GRIK4: variants seen among roughly 807,000 people sequenced by gnomAD.
The protein encoded by GRIK4 is glutamate receptor ionotropic, kainate 4.
In GRIK4, 40 loss-of-function variants were observed where a neutral mutation model predicts 104.9. The observed-to-expected ratio is 0.38, with a 90% CI of 0.30 to 0.50. GRIK4 has a LOEUF of 0.50. Among genes scored for constraint, GRIK4 ranks in the 20% least tolerant of loss-of-function variants. The probability of loss-of-function intolerance (pLI) is 0.93; values close to 1 mark genes in which losing one functional copy is unlikely to be tolerated. For synonymous variants in GRIK4, 485 were observed against 524.9 expected (o/e 0.92, Z 1.04); for missense variants, 1,047 against 1,308.1 (o/e 0.80, Z 3.08).
intron 9 of GRIK4, among the ~76,000 whole-genome samples, chr11:120,865,195 G>T (rs948038932): frequency 1.4e-5 from 2 of 147,288 alleles, no homozygotes; most frequent in Non-Finnish European, 1.5e-5. Flanking sequence ...ATGCATATAC[G>T]ATTCTATCTC....
At chr11:120,764,609 CT>C (rs1376634587) in intron 3 of GRIK4, among the ~76,000 whole-genome samples, 2 of 147,500 alleles carry the variant, frequency 1.4e-5, no homozygotes, top group Non-Finnish European at 3.0e-5. Context: ...TTTTTTTTTC[CT>C]TTTTAGTGCT....
In GRIK4 at chr11:120,836,711, G is replaced by A; in HGVS notation, c.691-80G>A. 3.4e-6 allele frequency: 3 copies of A among 872,838 alleles called. No individual in the cohort carries two copies. In the Admixed American group the frequency reaches 5.1e-5, roughly 15 times the overall value. The allele number at this position is 872,838 out of a possible 1,614,324, so 54.1% of individuals were successfully genotyped here. On this transcript the variant is annotated intron_variant, in intron 7 of 20. Transcript: ENST00000527524. ...GGGGCAGTGGGCCAGACAAATGGTA[G>A]ACACTTGGAACCCCTACTGCTCATT...
At chr11:120,619,472 A>G (rs150497633) in intron 1 of GRIK4, among the ~76,000 whole-genome samples, 59 of 152,324 alleles carry the variant, frequency 3.9e-4, no homozygotes, top group African/African-American at 1.3e-3. Context: ...TATATTTTCC[A>G]ATGTAAGAAG....
intron 11 of GRIK4, among the ~76,000 whole-genome samples, chr11:120,896,328 C>G (rs1461134100): frequency 6.6e-6 from 1 of 152,206 alleles, no homozygotes; most frequent in African/African-American, 2.4e-5. Flanking sequence ...TTGTTTTGGC[C>G]TCAGTTTCCT....
chr11:120,956,818 C>T lies in GRIK4; in HGVS notation c.1739C>T (p.Ala580Val), dbSNP rs1565461779. The T allele has an allele frequency of 6.2e-7, 1 of 1,613,434 alleles. No individual in the cohort carries two copies. Residue 580 changes from alanine (A) to valine (V), a missense_variant, in exon 16 of 21, where the codon GCC (alanine) becomes GTC (valine). Ala to Val is a moderately conservative substitution (Grantham distance 64). Coordinates refer to ENST00000527524, the MANE Select transcript of GRIK4 (RefSeq NM_014619.5). The surrounding 1 kb of genome is among the most constrained non-coding windows in gnomAD (Gnocchi z 4.6). ...PYEWYSPHPC[A>V]QGRCNLLVNQ... ...GAGTGGTACAGCCCACACCCATGTG[C>T]CCAGGGCCGGTGCAACCTCCTGGTG...
chr11:120,579,545 A>T (rs1948538841), intron 1 of GRIK4, among the ~76,000 whole-genome samples: 1 of 152,218 alleles, frequency 6.6e-6, no homozygotes, highest in Non-Finnish European at 1.5e-5. Flanking sequence ...ATCACTTTGG[A>T]GGAGTTTAAG....
chr11:120,769,622 G>A (rs1271989457), intron 3 of GRIK4, among the ~76,000 whole-genome samples: 1 of 152,140 alleles, frequency 6.6e-6, no homozygotes, highest in Non-Finnish European at 1.5e-5. Context: ...ACAAAAAACA[G>A]GTGGCAGGCT....
chr11:120,871,442 G>A (rs1048285208), intron 9 of GRIK4: 3 of 367,140 alleles, frequency 8.2e-6, no homozygotes, highest in African/African-American at 2.1e-5. Context: ...GGGAAGCAGA[G>A]AAGAGAGAGT....
chr11:120,874,484 A>G (rs1954717314), intron 10 of GRIK4, among the ~76,000 whole-genome samples: 1 of 152,152 alleles, frequency 6.6e-6, no homozygotes, highest in Non-Finnish European at 1.5e-5. Context: ...TGGGCCCCTG[A>G]ATTCCAGACT....
chr11:120,954,675 T>G (rs1565460263), intron 15 of GRIK4, among the ~76,000 whole-genome samples: 1 of 150,946 alleles, frequency 6.6e-6, no homozygotes, highest in Non-Finnish European at 1.5e-5. Flanking sequence ...ACGCTGCCCC[T>G]CCTCCCTCCC....
intron 3 of GRIK4, among the ~76,000 whole-genome samples, chr11:120,760,027 G>A (rs1464763363): frequency 1.3e-5 from 2 of 151,852 alleles, no homozygotes; most frequent in Non-Finnish European, 2.9e-5. Flanking sequence ...TTATATTAGA[G>A]ATTTTTGTTA....
intron 13 of GRIK4, among the ~76,000 whole-genome samples, chr11:120,910,902 A>G (rs1332871798): frequency 6.6e-6 from 1 of 152,228 alleles, no homozygotes; most frequent in Admixed American, 6.5e-5. Flanking sequence ...ATGAAGAGAC[A>G]TTGGCCATCA....
chr11:120,565,502 T>C (rs1371686493), intron 1 of GRIK4, among the ~76,000 whole-genome samples: 1 of 152,238 alleles, frequency 6.6e-6, no homozygotes, highest in East Asian at 1.9e-4. Flanking sequence ...GCCGTGTGTG[T>C]AGTGCCTCCT....
chr11:120,822,843 CA>C (rs1953161677), intron 6 of GRIK4, among the ~76,000 whole-genome samples: 1 of 152,142 alleles, frequency 6.6e-6, no homozygotes, highest in African/African-American at 2.4e-5. Flanking sequence ...GTCCTGTGGC[CA>C]AAACATGTAT....
intron 8 of GRIK4, among the ~76,000 whole-genome samples, chr11:120,839,350 C>T (rs1953658677): frequency 6.6e-6 from 1 of 152,190 alleles, no homozygotes; most frequent in African/African-American, 2.4e-5. Context: ...GCATTAGGTA[C>T]TCATGACTCA....
At chr11:120,601,222 A>G (rs1449785741) in intron 1 of GRIK4, among the ~76,000 whole-genome samples, 2 of 152,104 alleles carry the variant, frequency 1.3e-5, no homozygotes, top group South Asian at 2.1e-4. Context: ...CCTGGCCAAT[A>G]TGGTGAAACC....
In GRIK4 at chr11:120,910,326, G is replaced by A. The variant is rs185609250; in HGVS notation, c.1476+4833G>A. Among the ~76,000 whole-genome samples, 840 of 152,338 alleles carry A rather than the reference G, an allele frequency of 5.5e-3. 5 individuals are homozygous for A. The highest frequency in any genetic ancestry group is 0.01 in the South Asian group (49 of 4,820). On this transcript the variant is annotated intron_variant, in intron 13 of 20. Coordinates refer to ENST00000527524, the MANE Select transcript of GRIK4 (RefSeq NM_014619.5). ...CTGCATATGTGTGAAAATCATCAGA[G>A]CATGTCTTTTCCTGTAATCCCATTA...
At chr11:120,825,661 A>T (rs940742907) in intron 6 of GRIK4, among the ~76,000 whole-genome samples, 1 of 152,190 alleles carries the variant, frequency 6.6e-6, no homozygotes, top group Non-Finnish European at 1.5e-5. Context: ...GAACGGCAGG[A>T]TACCAGAGTC....
chr11:120,831,781 C>A, intron 6 of GRIK4, 71 bp from the exon 7 acceptor site: 2 of 1,248,066 alleles, frequency 1.6e-6, no homozygotes, highest in Non-Finnish European at 2.3e-6. Context: ...CCGTGCCTTC[C>A]TGCTTCTGCC....
Sources: allele counts gnomAD v4.1 joint callset (sites outside exome capture counted in the v4.1 genomes callset), GRCh38; gene constraint gnomAD v4.1.1; non-coding constraint Gnocchi (gnomAD v3.1); transcripts MANE v1.5; gene names NCBI Gene and HGNC (gene_info 2026-07-23, HGNC 2026-07-21).